NUP98: variants seen among roughly 807,000 people sequenced by gnomAD.
NUP98 encodes nuclear pore complex protein Nup98-Nup96.
NUP98 carries 26 observed loss-of-function variants against 191.9 expected under a neutral mutation model. That is an observed-to-expected ratio of 0.14 (90% CI 0.10 to 0.19). The LOEUF (loss-of-function observed/expected upper bound fraction) is 0.19. NUP98 is among the 10% of genes least tolerant of loss of function. The pLI is 1.00. For missense variants in NUP98, 1,941 were observed against 2,178.8 expected (o/e 0.89, Z 2.17); for synonymous variants, 808 against 778.4 (o/e 1.04, Z -0.63).
At chr11:3,702,348 C>G in intron 23 of NUP98, 115 bp downstream of exon 23, 1 of 642,224 alleles carries the variant, frequency 1.6e-6, no homozygotes, top group Admixed American at 2.5e-5. Flanking sequence ...CTCTCTCTCT[C>G]TCTCTCTCTC....
chr11:3,695,625 T>C lies in NUP98; in HGVS notation c.4010-19A>G. ...TGATCCCCTATAAGAGAAATGGAAG[T>C]TTTTTGGTTATTACTAAGGGTTTAT... On this transcript the variant is annotated intron_variant, in intron 25 of 32. Transcript: ENST00000324932. 2 of 1,523,864 alleles carry C rather than the reference T, an allele frequency of 1.3e-6. No individual in the cohort carries two copies. Among genetic ancestry groups the C allele is most frequent in the Non-Finnish European group, 1.8e-6 (2 of 1,135,354 alleles). The allele number at this position is 1,523,864 out of a possible 1,614,324, so 94.4% of individuals were successfully genotyped here.
intron 28 of NUP98, among the ~76,000 whole-genome samples, chr11:3,688,987 A>T (rs1365113134): frequency 6.6e-6 from 1 of 151,966 alleles, no homozygotes; most frequent in Non-Finnish European, 1.5e-5. Context: ...TAATCCCAGT[A>T]CTTTAGGAGG....
chr11:3,781,580 G>C (rs539300569), intron 2 of NUP98: 1 of 150,466 alleles, frequency 6.6e-6, no homozygotes, highest in Non-Finnish European at 1.5e-5. Flanking sequence ...CAGGCAATTA[G>C]TCATACACGA....
chr11:3,772,780 C>G (rs2133910304), intron 6 of NUP98, among the ~76,000 whole-genome samples: 1 of 150,686 alleles, frequency 6.6e-6, no homozygotes, highest in South Asian at 2.1e-4. Flanking sequence ...CGCCACTGCA[C>G]TCCAGCCTAG....
intron 11 of NUP98, among the ~76,000 whole-genome samples, chr11:3,746,294 A>AAAAAAAACAAG (rs144936005): frequency 2.1e-5 from 2 of 93,086 alleles, no homozygotes; most frequent in Non-Finnish European, 3.9e-5. Flanking sequence ...AAAAAAAAAA[A>AAAAAAAACAAG]GACAGCTTTG....
intron 8 of NUP98, 86 bp downstream of exon 8, chr11:3,768,495 G>A: frequency 2.4e-6 from 3 of 1,226,142 alleles, no homozygotes; most frequent in South Asian, 2.4e-5. Context: ...AGTACAGGTA[G>A]AATTTGCTAG....
At chr11:3,750,048 C>T (rs2080683921) in intron 11 of NUP98, among the ~76,000 whole-genome samples, 1 of 152,172 alleles carries the variant, frequency 6.6e-6, no homozygotes, top group Admixed American at 6.5e-5. Context: ...TTGCCAACAT[C>T]ATCAAATAAA....
chr11:3,712,892 T>C (rs529465512), intron 19 of NUP98, among the ~76,000 whole-genome samples, 164 bp from the exon 20 acceptor site: 11 of 152,266 alleles, frequency 7.2e-5, no homozygotes, highest in Non-Finnish European at 1.5e-4. Context: ...ATCTAAGATT[T>C]AGAAGACGTT....
At chr11:3,698,880 C>G (rs2078593396) in intron 25 of NUP98, 1 of 613,988 alleles carries the variant, frequency 1.6e-6, no homozygotes, top group Non-Finnish European at 2.8e-6. Flanking sequence ...TGTTTAGGAC[C>G]TTAAACATTG....
chr11:3,676,405 G>A (rs2077811967), intron 32 of NUP98, 29 bp from the exon 33 acceptor site: 2 of 1,612,056 alleles, frequency 1.2e-6, no homozygotes, highest in Non-Finnish European at 1.7e-6. Flanking sequence ...GTCAAGCACT[G>A]AGCATGGGGT....
chr11:3,675,906 T>G lies in NUP98; in HGVS notation c.*253A>C. 1 of 517,384 alleles carries G rather than the reference T, an allele frequency of 1.9e-6. No homozygotes were observed. Among genetic ancestry groups the G allele is most frequent in the East Asian group, 3.3e-5 (1 of 30,352 alleles). 32.0% of individuals were successfully genotyped at this position (517,384 alleles called of 1,614,324 possible). ...TGCCAAAGGAGCTTTATTGACCATT[T>G]TTTTAAAGGAAAAACACTGAATGAT... On this transcript the variant is annotated 3_prime_UTR_variant, in exon 33 of 33. Coordinates refer to ENST00000324932, the MANE Select transcript of NUP98 (RefSeq NM_016320.5).
At chr11:3,753,070 C>A (rs2080823729) in intron 11 of NUP98, among the ~76,000 whole-genome samples, 1 of 152,038 alleles carries the variant, frequency 6.6e-6, no homozygotes, top group Admixed American at 6.6e-5. Flanking sequence ...ACTAAAAATC[C>A]CAAAAAGACC....
At chr11:3,677,824 T>C (rs150127831) in intron 31 of NUP98, among the ~76,000 whole-genome samples, 13 of 152,300 alleles carry the variant, frequency 8.5e-5, no homozygotes, top group African/African-American at 1.7e-4. Flanking sequence ...ACAGCAAACA[T>C]TGAATTATGT....
intron 11 of NUP98, among the ~76,000 whole-genome samples, chr11:3,746,263 T>C (rs10835000): frequency 1 from 109,032 of 109,364 alleles, 54,350 homozygotes; most frequent in Non-Finnish European, 1. Flanking sequence ...GAGCAAAACT[T>C]TATCTCAAAA....
chr11:3,708,462 T>C (rs1448542561), intron 20 of NUP98, among the ~76,000 whole-genome samples: 4 of 152,150 alleles, frequency 2.6e-5, no homozygotes, highest in Admixed American at 1.3e-4. Context: ...TTACGAAGAA[T>C]GCTAAGGATC....
At chr11:3,770,573 G>GTT (rs2081495963) in intron 7 of NUP98, among the ~76,000 whole-genome samples, 1 of 151,548 alleles carries the variant, frequency 6.6e-6, no homozygotes, top group Admixed American at 6.6e-5. Context: ...GTGTGTGTGT[G>GTT]TATGTACATC....
intron 10 of NUP98, among the ~76,000 whole-genome samples, chr11:3,754,177 C>G (rs2080872300): frequency 6.6e-6 from 1 of 152,102 alleles, no homozygotes; most frequent in Non-Finnish European, 1.5e-5. Context: ...GCCTGTAATC[C>G]CAACACTTTG....
intron 28 of NUP98, among the ~76,000 whole-genome samples, chr11:3,687,639 G>T (rs2078169599): frequency 6.6e-6 from 1 of 151,868 alleles, no homozygotes; most frequent in Admixed American, 6.6e-5. Flanking sequence ...CACCAACCAA[G>T]AAAAAAAGAG....
chr11:3,720,849 A>AAAAC, intron 16 of NUP98, 24 bp from the exon 17 acceptor site: 2 of 908,696 alleles, frequency 2.2e-6, no homozygotes, highest in Admixed American at 2.3e-5. Flanking sequence ...AAAAAAAAAA[A>AAAAC]CAGAAAAAAA....
Sources: allele counts gnomAD v4.1 joint callset (sites outside exome capture counted in the v4.1 genomes callset), GRCh38; gene constraint gnomAD v4.1.1; transcripts MANE v1.5; gene names NCBI Gene and HGNC (gene_info 2026-07-23, HGNC 2026-07-21).